Variants in PDE11A observed in about 807,000 individuals in gnomAD.
The protein encoded by PDE11A is dual 3',5'-cyclic-AMP and -GMP phosphodiesterase 11A.
PDE11A carries 100 observed loss-of-function variants against 100.5 expected under a neutral mutation model. The ratio of observed to expected loss-of-function variants is 1.00; its 90% CI spans 0.85 to 1.18. The LOEUF (loss-of-function observed/expected upper bound fraction) is 1.18, where lower values mean the gene tolerates loss of function less well. Among genes scored for constraint, PDE11A ranks in the 50% most tolerant of loss-of-function variants. The pLI is 0.00. For synonymous variants in PDE11A, 381 were observed against 420.8 expected, an observed-to-expected ratio of 0.91 and a Z score of 1.16; for missense variants, 1,141 against 1,152.6, an observed-to-expected ratio of 0.99 and a Z score of 0.15.
intron 9 of PDE11A, among the ~76,000 whole-genome samples, chr2:177,809,716 GAGACAATTTAACATCTGTGTGTGC>G (rs55862806): frequency 0.4 from 61,355 of 151,568 alleles, 14,257 homozygotes; most frequent in African/African-American, 0.64. Context: ...AAGAAGCTCA[GAGACAATTTAACATCTGTGTGTGC>G]AGACAATTTA....
chr2:177,956,182 G>T (rs1441401522), intron 2 of PDE11A, among the ~76,000 whole-genome samples: 2 of 151,988 alleles, frequency 1.3e-5, no homozygotes, highest in Non-Finnish European at 2.9e-5. Context: ...CTAATATCCA[G>T]AATCTACAAT....
intron 2 of PDE11A, among the ~76,000 whole-genome samples, chr2:177,905,624 T>C (rs1431772793): frequency 5.3e-5 from 8 of 152,242 alleles, no homozygotes; most frequent in Non-Finnish European, 7.3e-5. Flanking sequence ...ATATACCATA[T>C]GTATATGGCA....
chr2:178,096,348 T>C (rs1240369317), intron 2 of PDE11A, among the ~76,000 whole-genome samples: 2 of 139,534 alleles, frequency 1.4e-5, no homozygotes, highest in East Asian at 4.2e-4. Flanking sequence ...TTTTTTTTTG[T>C]ATTTTTACTA....
At chr2:177,805,752 A>G (rs1375313201) in intron 9 of PDE11A, among the ~76,000 whole-genome samples, 2 of 152,342 alleles carry the variant, frequency 1.3e-5, no homozygotes, top group East Asian at 3.9e-4. Context: ...TCAGATCAGT[A>G]GTGGAAAATA....
At chr2:177,947,407 T>C (rs1467210826) in intron 2 of PDE11A, among the ~76,000 whole-genome samples, 1 of 152,134 alleles carries the variant, frequency 6.6e-6, no homozygotes, top group Non-Finnish European at 1.5e-5. Context: ...AGACTTTTCA[T>C]TTTGTTCTGC....
In PDE11A at chr2:177,732,374, G is replaced by C. The variant is rs144516910; in HGVS notation, c.1789-4202C>G. Reference sequence around the variant, plus strand: ...TCCAATTCAAAATCAAATGTTAGTGGGAAAAACACTTTTCAAGAGATAGAG... The same window carrying C: ...TCCAATTCAAAATCAAATGTTAGTGCGAAAAACACTTTTCAAGAGATAGAG... On this transcript the variant is annotated intron_variant, in intron 10 of 19. Coordinates refer to ENST00000286063, the MANE Select transcript of PDE11A (RefSeq NM_016953.4). Among the ~76,000 whole-genome samples the C allele has an allele frequency of 3.4e-3, 523 of 152,268 alleles. 5 individuals are homozygous for C. Among genetic ancestry groups the C allele is most frequent in the African/African-American group, 0.011 (450 of 41,538 alleles).
intron 5 of PDE11A, among the ~76,000 whole-genome samples, chr2:177,875,572 G>A (rs975616825): frequency 3.3e-5 from 5 of 151,590 alleles, no homozygotes; most frequent in African/African-American, 9.7e-5. Flanking sequence ...TAGTAGAGAC[G>A]GCATTTCACC....
chr2:178,000,696 T>C (rs2086134109), intron 2 of PDE11A, among the ~76,000 whole-genome samples: 1 of 152,210 alleles, frequency 6.6e-6, no homozygotes, highest in Admixed American at 6.5e-5. Flanking sequence ...TTTCTAACTC[T>C]CTGTTAGTTT....
At chr2:177,938,609 C>A (rs1322881630) in intron 2 of PDE11A, among the ~76,000 whole-genome samples, 2 of 152,200 alleles carry the variant, frequency 1.3e-5, no homozygotes, top group Non-Finnish European at 1.5e-5. Context: ...ATAGCCTAGA[C>A]CCACCATAAT....
intron 5 of PDE11A, among the ~76,000 whole-genome samples, chr2:177,860,768 G>C (rs2083931200): frequency 6.6e-6 from 1 of 151,648 alleles, no homozygotes; most frequent in Non-Finnish European, 1.5e-5. Flanking sequence ...TCCCAATAAT[G>C]TAAGATTGGA....
At chr2:177,781,811 T>C (rs774362578) in intron 9 of PDE11A, among the ~76,000 whole-genome samples, 1 of 152,200 alleles carries the variant, frequency 6.6e-6, no homozygotes, top group Non-Finnish European at 1.5e-5. Context: ...TGAATTCTCT[T>C]TTAATTAAAC....
chr2:177,810,567 A>G (rs1215387855), intron 9 of PDE11A, among the ~76,000 whole-genome samples: 1 of 152,180 alleles, frequency 6.6e-6, no homozygotes, highest in Non-Finnish European at 1.5e-5. Flanking sequence ...AGCAGAGATC[A>G]GATGGCAGAG....
At chr2:178,093,808 G>A (rs1253558573) in intron 2 of PDE11A, among the ~76,000 whole-genome samples, 1 of 152,122 alleles carries the variant, frequency 6.6e-6, no homozygotes, top group South Asian at 2.1e-4. Flanking sequence ...GGAGGACCAG[G>A]GGAGCCAGGA....
intron 13 of PDE11A, among the ~76,000 whole-genome samples, chr2:177,706,173 C>T (rs748748359): frequency 7.2e-5 from 11 of 152,150 alleles, no homozygotes; most frequent in Admixed American, 3.9e-4. Context: ...TGTGCTCTAA[C>T]GAAAGCCACA....
intron 12 of PDE11A, among the ~76,000 whole-genome samples, chr2:177,715,901 T>C (rs1413838122): frequency 1.3e-5 from 2 of 152,158 alleles, no homozygotes; most frequent in Admixed American, 1.3e-4. Context: ...TGTGCACCAG[T>C]GTATGTGGGT....
intron 1 of PDE11A, among the ~76,000 whole-genome samples, chr2:178,033,385 A>C (rs931559846): frequency 1.6e-4 from 25 of 152,206 alleles, no homozygotes; most frequent in Non-Finnish European, 1.0e-4. Context: ...AGCATCCAGG[A>C]AATATGGGAC....
At chr2:177,988,230 C>G (rs2105807888) in intron 2 of PDE11A, among the ~76,000 whole-genome samples, 1 of 152,304 alleles carries the variant, frequency 6.6e-6, no homozygotes, top group East Asian at 1.9e-4. Flanking sequence ...CTTGATGCTT[C>G]CATGGTTCAA....
chr2:177,861,715 A>G (rs745749397), intron 5 of PDE11A, among the ~76,000 whole-genome samples: 1 of 151,980 alleles, frequency 6.6e-6, no homozygotes, highest in Admixed American at 6.6e-5. Flanking sequence ...TGATACTGGC[A>G]TGAAGACATA....
At chr2:177,789,308 T>C (rs1272585460) in intron 9 of PDE11A, among the ~76,000 whole-genome samples, 1 of 152,128 alleles carries the variant, frequency 6.6e-6, no homozygotes, top group Non-Finnish European at 1.5e-5. Context: ...TCTCAATAGA[T>C]GCAGAAAAGG....
Sources: gnomAD v4.1 joint callset for allele counts (sites outside exome capture counted in the v4.1 genomes callset) on GRCh38, gnomAD v4.1.1 for gene constraint, MANE v1.5 for transcripts, NCBI Gene and HGNC (gene_info 2026-07-23, HGNC 2026-07-21) for gene names.